The following SCAF4 variants were observed in gnomAD, a reference collection of about 807,000 sequenced individuals.
The protein encoded by SCAF4 is SR-related CTD associated factor 4.
A neutral mutation model predicts 129.8 loss-of-function variants in SCAF4; 25 were observed. The ratio of observed to expected loss-of-function variants is 0.19; its 90% CI spans 0.14 to 0.27. SCAF4 has a LOEUF of 0.27. SCAF4 is among the 10% of genes least tolerant of loss of function. The pLI is 1.00. For missense variants in SCAF4, 1,246 were observed against 1,457.1 expected, an observed-to-expected ratio of 0.86 and a Z score of 2.36; for synonymous variants, 551 against 497.7, an observed-to-expected ratio of 1.11 and a Z score of -1.43.
intron 6 of SCAF4, 101 bp downstream of exon 6, chr21:31,701,674 TA>T (rs2050535581): frequency 2.5e-5 from 31 of 1,247,214 alleles, no homozygotes; most frequent in Non-Finnish European, 3.4e-5. Context: ...AAAGCAGACG[TA>T]TTTTCTCCTT....
At chr21:31,679,518 C>T (rs1396673705) in intron 19 of SCAF4, among the ~76,000 whole-genome samples, 1 of 151,796 alleles carries the variant, frequency 6.6e-6, no homozygotes. Flanking sequence ...CTGAGAGCTG[C>T]GGAAAATGGA....
chr21:31,721,549 G>A (rs2051066862), intron 1 of SCAF4, among the ~76,000 whole-genome samples: 1 of 152,138 alleles, frequency 6.6e-6, no homozygotes, highest in African/African-American at 2.4e-5. Context: ...TGCAGAGGGA[G>A]ACTTTACAGA....
intron 13 of SCAF4, 25 bp downstream of exon 13, chr21:31,692,324 C>T: frequency 6.4e-7 from 1 of 1,551,832 alleles, no homozygotes; most frequent in Non-Finnish European, 8.9e-7. Context: ...GTCCATCGTA[C>T]TTAAAAAACT....
intron 1 of SCAF4, among the ~76,000 whole-genome samples, chr21:31,710,317 G>A (rs918679013): frequency 9.9e-5 from 15 of 152,124 alleles, no homozygotes; most frequent in African/African-American, 3.6e-4. Context: ...GGGAGGCCAA[G>A]GCGGGCAGAT....
Position 31,690,798 on chromosome 21 carries a change from TG to T in SCAF4, c.1883del (p.Pro628GlnfsTer48), listed in dbSNP as rs1177176576. 6.2e-7 allele frequency: 1 copy of T among 1,610,538 alleles called. No homozygotes were observed. On this transcript the variant is annotated frameshift_variant and splice_region_variant, in exon 15 of 20. Transcript: ENST00000286835. LOFTEE classifies it high-confidence loss of function. ...AAGAGAAATTAAATACTGCTTTACCTGGGTTAAGTGTGTCACTGTCCAACAT... is the reference window on the plus strand; with the variant it reads ...AAGAGAAATTAAATACTGCTTTACCTGGTTAAGTGTGTCACTGTCCAACAT... ...GGMLDSDTLNPDWKGIPKKPE... is the reference protein window; with the variant it reads ...GGMLDSDTLNXDWKGIPKKPE...
At chr21:31,699,438 G>T (rs986807370) in intron 7 of SCAF4, among the ~76,000 whole-genome samples, 7 of 150,648 alleles carry the variant, frequency 4.6e-5, no homozygotes, top group African/African-American at 1.7e-4. Flanking sequence ...GAATATACAC[G>T]AACAAATCTG....
Position 31,701,177 on chromosome 21 carries a change from A to G in SCAF4, c.601-6T>C. The stretch of plus-strand genomic sequence containing the variant: ...GTCTGAAGGATCTGCTGAAGCTTAA[A>G]GAATGGGAAAACCAATAAATCACAG... On this transcript the variant is annotated splice_polypyrimidine_tract_variant and splice_region_variant and intron_variant, in intron 6 of 19. Coordinates refer to ENST00000286835, the MANE Select transcript of SCAF4 (RefSeq NM_020706.2). 6.5e-7 allele frequency: 1 copy of G among 1,547,132 alleles called. No homozygotes were observed. Among genetic ancestry groups the G allele is most frequent in the Non-Finnish European group, 8.7e-7 (1 of 1,149,624 alleles).
In SCAF4 at chr21:31,692,379, C is replaced by T. The variant is rs746272164; in HGVS notation, c.1584G>A (p.Leu528=). The change falls in exon 13 of 20, where the codon TTG becomes TTA. Residue 528 remains leucine (L), a synonymous_variant. Transcript: ENST00000286835. ...RTTQQDVASL[L]EEFGPIESIN... is the part of the protein sequence containing the mutation. ...TTGATTCAATTGGACCAAACTCTTC[C>T]AAGAGACTGGCAACATCCTGCTGAG... 1 of 1,613,934 alleles carries T rather than the reference C, an allele frequency of 6.2e-7. No individual in the cohort carries two copies. Among genetic ancestry groups the T allele is most frequent in the Non-Finnish European group, 8.5e-7 (1 of 1,179,850 alleles).
At chr21:31,721,375 C>T (rs186478794) in intron 1 of SCAF4, among the ~76,000 whole-genome samples, 1 of 152,072 alleles carries the variant, frequency 6.6e-6, no homozygotes, top group Non-Finnish European at 1.5e-5. Flanking sequence ...AGTTTAAAGA[C>T]TATTATATAT....
At chr21:31,691,957 A>G in intron 13 of SCAF4, 27 bp from the exon 14 acceptor site, 1 of 1,226,006 alleles carries the variant, frequency 8.2e-7, no homozygotes, top group Non-Finnish European at 1.2e-6. Context: ...TAATATTATA[A>G]AAGATAACAA....
At chr21:31,721,998 G>T (rs920568900) in intron 1 of SCAF4, among the ~76,000 whole-genome samples, 1 of 152,074 alleles carries the variant, frequency 6.6e-6, no homozygotes, top group Non-Finnish European at 1.5e-5. Flanking sequence ...GGGATTACAG[G>T]CGTGAGCCAC....
chr21:31,731,992 G>T lies in SCAF4; in HGVS notation c.-300C>A. On this transcript the variant is annotated 5_prime_UTR_variant, in exon 1 of 20. Coordinates refer to ENST00000286835, the MANE Select transcript of SCAF4 (RefSeq NM_020706.2). ...TGGCGGCTGCGCTCTGCGTCTCGCT[G>T]ACACGGCCCCCCGCGCCCTCACGCA... The T allele has an allele frequency of 2.1e-6, 1 of 472,906 alleles. No homozygotes were observed. Among genetic ancestry groups the T allele is most frequent in the South Asian group, 4.2e-5 (1 of 23,566 alleles). 29.3% of individuals were successfully genotyped at this position (472,906 alleles called of 1,614,324 possible).
rs1412410517 is a variant in SCAF4 at position 31,671,574 on chromosome 21, TTACCAC to T, written c.3263_3268del (p.Gly1088_Asn1090delinsAsp). ...GCTAATGGGAGGTTCAACGGTTTTGTTACCACCTGCCCTGTCTGTCACCTCAGGCTT... is the reference window on the plus strand; with the variant it reads ...GCTAATGGGAGGTTCAACGGTTTTGTCTGCCCTGTCTGTCACCTCAGGCTT... On this transcript the variant is annotated inframe_deletion, in exon 20 of 20. Transcript: ENST00000286835. 1.9e-6 allele frequency: 3 copies of T among 1,614,208 alleles called. No individual in the cohort carries two copies. The South Asian group carries it at 3.3e-5, about 18-fold the overall frequency.
chr21:31,719,617 G>A (rs918050239), intron 1 of SCAF4, among the ~76,000 whole-genome samples: 1 of 152,066 alleles, frequency 6.6e-6, no homozygotes, highest in African/African-American at 2.4e-5. Context: ...CGAGTCTCCT[G>A]CCTCAGCCTC....
chr21:31,680,725 A>G (rs1199501945), intron 19 of SCAF4, among the ~76,000 whole-genome samples: 1 of 152,234 alleles, frequency 6.6e-6, no homozygotes, highest in African/African-American at 2.4e-5. Context: ...GTGGCTAACT[A>G]GTGCATTACT....
At chr21:31,720,436 T>TG in intron 1 of SCAF4, among the ~76,000 whole-genome samples, 1 of 152,336 alleles carries the variant, frequency 6.6e-6, no homozygotes, top group South Asian at 2.1e-4. Flanking sequence ...CACATTATTT[T>TG]GATAGTTATC....
chr21:31,693,698 A>G (rs2050314553), intron 11 of SCAF4, among the ~76,000 whole-genome samples: 1 of 152,212 alleles, frequency 6.6e-6, no homozygotes, highest in African/African-American at 2.4e-5. Context: ...GACAGCTTAT[A>G]TAAGTATCTG....
intron 2 of SCAF4, 118 bp downstream of exon 2, chr21:31,706,156 G>C (rs1031721793): frequency 1.4e-6 from 1 of 699,810 alleles, no homozygotes; most frequent in Admixed American, 2.8e-5. Flanking sequence ...GCAAAGGCTG[G>C]TTAGGGCTCT....
chr21:31,685,981 T>C (rs2050112284), intron 16 of SCAF4, among the ~76,000 whole-genome samples: 1 of 152,004 alleles, frequency 6.6e-6, no homozygotes, highest in Non-Finnish European at 1.5e-5. Flanking sequence ...GGCAGGCGGA[T>C]CACCTAAGGT....
Sources: gnomAD v4.1 joint callset for allele counts (sites outside exome capture counted in the v4.1 genomes callset) on GRCh38, gnomAD v4.1.1 for gene constraint, MANE v1.5 for transcripts, NCBI Gene and HGNC (gene_info 2026-07-23, HGNC 2026-07-21) for gene names.